MYLK: variants seen among roughly 807,000 people sequenced by gnomAD.
The protein encoded by MYLK is myosin light chain kinase, smooth muscle.
Under a neutral mutation model 203.4 loss-of-function variants are expected in MYLK, and 106 were observed. That is an observed-to-expected ratio of 0.52 (90% CI 0.45 to 0.61). The LOEUF (loss-of-function observed/expected upper bound fraction) is 0.61, where lower values mean the gene tolerates loss of function less well. Among genes scored for constraint, MYLK ranks in the 20% least tolerant of loss-of-function variants. The probability of loss-of-function intolerance (pLI) is 0.00; values close to 1 mark genes in which losing one functional copy is unlikely to be tolerated. For synonymous variants in MYLK, 867 were observed against 959.5 expected, an observed-to-expected ratio of 0.90 and a Z score of 1.78; for missense variants, 2,072 against 2,442.3, an observed-to-expected ratio of 0.85 and a Z score of 3.20.
chr3:123,779,243 C>T (rs1371284325), intron 4 of MYLK, among the ~76,000 whole-genome samples: 1 of 152,178 alleles, frequency 6.6e-6, no homozygotes, highest in Non-Finnish European at 1.5e-5. Context: ...GGGATGGTGG[C>T]CTGGGAACCA....
chr3:123,693,051 C>T (rs1159062672), intron 18 of MYLK, among the ~76,000 whole-genome samples, 200 bp from the exon 19 acceptor site: 6 of 152,162 alleles, frequency 3.9e-5, no homozygotes, highest in Non-Finnish European at 5.9e-5. Flanking sequence ...TAACTGATCC[C>T]TAAATACGTT....
chr3:123,623,311 C>G (rs935857013), intron 31 of MYLK: 1 of 152,158 alleles, frequency 6.6e-6, no homozygotes, highest in African/African-American at 2.4e-5. Flanking sequence ...ATAAAGATGG[C>G]TACCTAAGGG....
chr3:123,817,948 C>A (rs1355482631), intron 3 of MYLK, among the ~76,000 whole-genome samples: 1 of 152,156 alleles, frequency 6.6e-6, no homozygotes, highest in Non-Finnish European at 1.5e-5. Flanking sequence ...GCAGGGTCAG[C>A]TCTCTTAGGA....
In MYLK at chr3:123,647,206, T is replaced by C; in HGVS notation, c.4619+18A>G. 1 of 1,612,360 alleles carries C rather than the reference T, an allele frequency of 6.2e-7. No individual in the cohort carries two copies. The highest frequency in any genetic ancestry group is 8.5e-7 in the Non-Finnish European group (1 of 1,178,730). ...GGGCTCCCTGTGGTGCCCACGCTGCTGGCAGTGGGCCACTCACATCTCCAG... is the reference window on the plus strand; with the variant it reads ...GGGCTCCCTGTGGTGCCCACGCTGCCGGCAGTGGGCCACTCACATCTCCAG... On this transcript the variant is annotated intron_variant, in intron 27 of 33. Transcript: ENST00000360304.
intron 2 of MYLK, among the ~76,000 whole-genome samples, chr3:123,865,106 G>C (rs2032237683): frequency 6.6e-6 from 1 of 152,036 alleles, no homozygotes; most frequent in Non-Finnish European, 1.5e-5. Context: ...AATGTCACTG[G>C]CAAGTCAATC....
At chr3:123,647,035 CA>C in intron 27 of MYLK, 188 bp downstream of exon 27, 1 of 632,786 alleles carries the variant, frequency 1.6e-6, no homozygotes, top group East Asian at 2.7e-5. Context: ...GGCTCAGGGC[CA>C]GCACTGTGCA....
chr3:123,662,864 G>C (rs1417381259), intron 23 of MYLK, among the ~76,000 whole-genome samples: 2 of 152,218 alleles, frequency 1.3e-5, no homozygotes, highest in Non-Finnish European at 2.9e-5. Context: ...CAGGTCATGA[G>C]TTCTGGGGTG....
intron 29 of MYLK, among the ~76,000 whole-genome samples, chr3:123,635,725 C>T (rs1373615098): frequency 2.0e-5 from 3 of 152,104 alleles, no homozygotes; most frequent in African/African-American, 7.2e-5. Flanking sequence ...AATAAAGTGC[C>T]CTATGACCCA....
rs139046825 is a variant in MYLK at position 123,689,332 on chromosome 3, G to A, written c.3565+3403C>T. ...TCTGGGTTGGAATGAGAGGAAAGGG[G>A]TTACTGAGTCCCACGTGCAGAAGGA... On this transcript the variant is annotated intron_variant, in intron 19 of 33. Coordinates refer to ENST00000360304, the MANE Select transcript of MYLK (RefSeq NM_053025.4). Among the ~76,000 whole-genome samples the A allele has an allele frequency of 7.9e-5, 12 of 152,270 alleles. No homozygotes were observed. In the East Asian group the frequency reaches 2.3e-3, roughly 29 times the overall value.
chr3:123,700,093 G>A lies in MYLK; in HGVS notation c.3375C>T (p.Pro1125=), dbSNP rs2061122673. The change falls in exon 18 of 34, where the codon CCC becomes CCT. Residue 1125 remains proline, a synonymous_variant. Transcript: ENST00000360304. The part of the protein sequence containing the change: ...LLLQCQVSSD[P]PATIIWTLNG... The stretch of plus-strand genomic sequence containing the variant: ...TCAGCGTCCAGATGATGGTGGCTGG[G>A]GGGTCAGAAGACACCTGGCACTGGA... 1 of 1,613,932 alleles carries A rather than the reference G, an allele frequency of 6.2e-7. No homozygotes were observed. The highest frequency in any genetic ancestry group is 1.1e-5 in the South Asian group (1 of 91,068).
At chr3:123,858,282 T>C (rs2148682008) in intron 2 of MYLK, among the ~76,000 whole-genome samples, 1 of 152,274 alleles carries the variant, frequency 6.6e-6, no homozygotes, top group African/African-American at 2.4e-5. Flanking sequence ...CTCAAAGTAC[T>C]AAGGAAAGGA....
rs1576670101 is a variant in MYLK, at chr3:123,708,858, C to G, written c.1980G>C (p.Gly660=). The change falls in exon 15 of 34, where the codon GGG becomes GGC. Residue 660 remains glycine (G), a synonymous_variant. Transcript: ENST00000360304. ...PPPEVIWLHN[G]NEIQESEDFH... ...AGTCCTCTGACTCTTGGATCTCATT[C>G]CCATTGTGCAGCCAGATGACTTCAG... 5 of 1,614,142 alleles carry G rather than the reference C, an allele frequency of 3.1e-6. No individual in the cohort carries two copies. Among genetic ancestry groups the G allele is most frequent in the Non-Finnish European group, 3.4e-6 (4 of 1,180,018 alleles).
intron 20 of MYLK, among the ~76,000 whole-genome samples, chr3:123,679,305 CA>C (rs58401553): frequency 2.8e-3 from 219 of 76,858 alleles, no homozygotes; most frequent in African/African-American, 5.7e-3. Context: ...GACTCTGTCT[CA>C]AAAAAAAAAA....
At chr3:123,738,677 A>C (rs1031459359) in intron 7 of MYLK, among the ~76,000 whole-genome samples, 1 of 152,150 alleles carries the variant, frequency 6.6e-6, no homozygotes, top group Non-Finnish European at 1.5e-5. Context: ...TATAAAGAGG[A>C]GTTCCCCTGC....
intron 13 of MYLK, among the ~76,000 whole-genome samples, chr3:123,717,797 C>T (rs374304952): frequency 1.3e-5 from 2 of 149,736 alleles, no homozygotes; most frequent in African/African-American, 4.9e-5. Flanking sequence ...TTTTTTTTCC[C>T]TAGCCTGTGT....
intron 23 of MYLK, among the ~76,000 whole-genome samples, chr3:123,663,753 G>A (rs2059643283): frequency 6.6e-6 from 1 of 152,132 alleles, no homozygotes; most frequent in African/African-American, 2.4e-5. Flanking sequence ...TGTGGCGTAG[G>A]GGCCAAGAAG....
At chr3:123,822,950 A>G (rs889674650) in intron 3 of MYLK, among the ~76,000 whole-genome samples, 1 of 152,166 alleles carries the variant, frequency 6.6e-6, no homozygotes, top group Non-Finnish European at 1.5e-5. Flanking sequence ...AGAAGAAAGA[A>G]ATCATCCCTG....
chr3:123,793,745 G>C lies in MYLK; in HGVS notation c.97C>G (p.Pro33Ala), dbSNP rs770959360. 2 of 1,614,154 alleles carry C rather than the reference G, an allele frequency of 1.2e-6. No homozygotes were observed. Among genetic ancestry groups the C allele is most frequent in the South Asian group, 2.2e-5 (2 of 91,084 alleles). ...TTCCGAGGGGGCAAAATGAAAGCAGGGGCCTCTGTCAGGGGCATGGAGTCA... is the reference window on the plus strand; with the variant it reads ...TTCCGAGGGGGCAAAATGAAAGCAGCGGCCTCTGTCAGGGGCATGGAGTCA... ...RVDSMPLTEAPAFILPPRNLC... is the reference protein window; with the variant it reads ...RVDSMPLTEAAAFILPPRNLC... Residue 33 changes from proline (P) to alanine (A), a missense_variant, in exon 4 of 34, where the codon CCT (proline) becomes GCT (alanine). By Grantham distance (27) the Pro-to-Ala change is conservative. This residue lies in a region of MYLK where 683 missense variants were observed against 643.8 expected (regional missense o/e 1.06). Coordinates refer to ENST00000360304, the MANE Select transcript of MYLK (RefSeq NM_053025.4).
At chr3:123,764,819 G>A (rs2063651675) in intron 4 of MYLK, among the ~76,000 whole-genome samples, 1 of 152,148 alleles carries the variant, frequency 6.6e-6, no homozygotes. Flanking sequence ...CCAGGCTCTG[G>A]AAGTATGTCA....
Sources: gnomAD v4.1 joint callset for allele counts (sites outside exome capture counted in the v4.1 genomes callset) on GRCh38, gnomAD v4.1.1 for gene constraint, gnomAD v4.1.1 regional missense constraint, MANE v1.5 for transcripts, NCBI Gene and HGNC (gene_info 2026-07-23, HGNC 2026-07-21) for gene names.